ADGRL2: variants seen among roughly 807,000 people sequenced by gnomAD.
The protein encoded by ADGRL2 is adhesion G protein-coupled receptor L2.
In ADGRL2, 44 loss-of-function variants were observed where a neutral mutation model predicts 157.4. The observed-to-expected ratio is 0.28, with a 90% CI of 0.22 to 0.36. The LOEUF (loss-of-function observed/expected upper bound fraction) is 0.36, where lower values mean the gene tolerates loss of function less well. ADGRL2 is among the 10% of genes least tolerant of loss of function. The pLI is 1.00. For missense variants in ADGRL2, 1,510 were observed against 1,768.9 expected (o/e 0.85, Z 2.63); for synonymous variants, 585 against 624.7 (o/e 0.94, Z 0.95).
At chr1:81,827,034 A>G (rs1009057410) in intron 1 of ADGRL2, among the ~76,000 whole-genome samples, 6 of 151,326 alleles carry the variant, frequency 4.0e-5, no homozygotes, top group African/African-American at 1.4e-4. Context: ...AAAATAAAAA[A>G]TATTTACTGT....
At chr1:81,592,971 T>G (rs1267702829) in intron 3 of ADGRL2, among the ~76,000 whole-genome samples, 1 of 152,146 alleles carries the variant, frequency 6.6e-6, no homozygotes, top group East Asian at 1.9e-4. Context: ...GACAACCCAT[T>G]TATCCCAATT....
chr1:81,602,338 T>C (rs375809265), intron 3 of ADGRL2, among the ~76,000 whole-genome samples: 37 of 152,132 alleles, frequency 2.4e-4, no homozygotes, highest in African/African-American at 8.4e-4. Context: ...CTCACGCCTG[T>C]AATCCCAGCC....
At chr1:81,560,138 G>C (rs7522408) in intron 2 of ADGRL2, among the ~76,000 whole-genome samples, 2,116 of 152,252 alleles carry the variant, frequency 0.014, 46 homozygotes, top group African/African-American at 0.048. Context: ...ACAGTAGGAT[G>C]TTAATAAATG....
At chr1:81,692,305 AAAAT>A (rs781277581) in intron 3 of ADGRL2, among the ~76,000 whole-genome samples, 8 of 152,130 alleles carry the variant, frequency 5.3e-5, no homozygotes, top group Non-Finnish European at 8.8e-5. Flanking sequence ...TCTGTCTCAA[AAAAT>A]AAATAAATAA....
intron 1 of ADGRL2, among the ~76,000 whole-genome samples, chr1:81,370,291 G>A (rs2100980773): frequency 6.6e-6 from 1 of 152,226 alleles, no homozygotes; most frequent in East Asian, 1.9e-4. Flanking sequence ...GAAATGTAAA[G>A]AAAAGATATA....
chr1:81,840,592 T>A (rs2092533527), intron 2 of ADGRL2, among the ~76,000 whole-genome samples: 1 of 152,134 alleles, frequency 6.6e-6, no homozygotes, highest in African/African-American at 2.4e-5. Flanking sequence ...TTAATTGTTA[T>A]ATCTATCTAT....
At chr1:81,502,277 T>C (rs1044343) in intron 2 of ADGRL2, 466,970 of 1,610,924 alleles carry the variant, frequency 0.29, 77,882 homozygotes, top group African/African-American at 0.69. Context: ...CAAGGCCTCA[T>C]CTTCTGTCTC....
chr1:81,781,228 T>G (rs940195221), intron 2 of ADGRL2, among the ~76,000 whole-genome samples: 3 of 152,086 alleles, frequency 2.0e-5, no homozygotes, highest in Non-Finnish European at 4.4e-5. Context: ...ATGGAGTGGG[T>G]CTGAGGGTGG....
intron 1 of ADGRL2, among the ~76,000 whole-genome samples, chr1:81,346,048 C>T (rs574479462): frequency 6.6e-6 from 1 of 152,228 alleles, no homozygotes; most frequent in East Asian, 1.9e-4. Context: ...CTTTCCATAA[C>T]AGTATCCACA....
intron 1 of ADGRL2, among the ~76,000 whole-genome samples, chr1:81,405,888 C>CAGTT (rs1489519564): frequency 4.6e-5 from 7 of 151,984 alleles, no homozygotes; most frequent in Admixed American, 1.3e-4. Context: ...CTTTTAAAAT[C>CAGTT]CAATAAAGTG....
At chr1:81,464,227 C>T (rs1226967614) in intron 2 of ADGRL2, among the ~76,000 whole-genome samples, 1 of 151,998 alleles carries the variant, frequency 6.6e-6, no homozygotes, top group Admixed American at 6.6e-5. Flanking sequence ...ATCATGCTGG[C>T]CAGCTTCCTT....
At chr1:81,837,166 G>A in intron 2 of ADGRL2, 109 bp downstream of exon 2, 1 of 535,774 alleles carries the variant, frequency 1.9e-6, no homozygotes, top group Non-Finnish European at 3.2e-6. Context: ...AAAAATAGGT[G>A]TTAAAATTAT....
chr1:81,782,530 C>A (rs2086859204), intron 2 of ADGRL2, among the ~76,000 whole-genome samples: 1 of 152,148 alleles, frequency 6.6e-6, no homozygotes, highest in African/African-American at 2.4e-5. Context: ...TGAGCCTATT[C>A]TCTGTCTCTT....
intron 3 of ADGRL2, among the ~76,000 whole-genome samples, chr1:81,590,004 T>C (rs910072895): frequency 6.6e-6 from 1 of 152,200 alleles, no homozygotes; most frequent in Non-Finnish European, 1.5e-5. Context: ...CCCATGGTGG[T>C]GCTGTCAGCA....
Position 81,907,087 on chromosome 1 carries a change from T to C in ADGRL2, c.144T>C (p.Asp48=). The C allele has an allele frequency of 6.2e-7, 1 of 1,614,104 alleles. No individual in the cohort carries two copies. ...RELSCEGYSI[D]LRCPGSDVIM... ...TATCCTGTGAAGGTTATTCTATAGA[T>C]CTGCGATGCCCGGGCAGTGATGTCA... The change falls in exon 3 of 24, where the codon GAT becomes GAC. Residue 48 remains aspartate (D), a synonymous_variant. Coordinates refer to ENST00000686636, the MANE Select transcript of ADGRL2 (RefSeq NM_001366006.2).
intron 3 of ADGRL2, among the ~76,000 whole-genome samples, chr1:81,677,171 G>C (rs2083013349): frequency 6.6e-6 from 1 of 151,846 alleles, no homozygotes; most frequent in African/African-American, 2.4e-5. Flanking sequence ...TTTTAGTAGA[G>C]AGGGGGTTTC....
chr1:81,674,447 C>T (rs1468141438), intron 3 of ADGRL2, among the ~76,000 whole-genome samples: 1 of 152,222 alleles, frequency 6.6e-6, no homozygotes, highest in East Asian at 1.9e-4. Context: ...ACAGCCCAAA[C>T]TTGCAGTCCA....
At chr1:81,870,019 A>G (rs2093651500) in intron 2 of ADGRL2, among the ~76,000 whole-genome samples, 2 of 145,328 alleles carry the variant, frequency 1.4e-5, no homozygotes, top group African/African-American at 2.5e-5. Flanking sequence ...TTACAAAACA[A>G]CAATAACAAA....
intron 3 of ADGRL2, among the ~76,000 whole-genome samples, chr1:81,608,197 A>AAACCTGCTTC (rs2081472004): frequency 6.6e-6 from 1 of 152,078 alleles, no homozygotes; most frequent in Non-Finnish European, 1.5e-5. Flanking sequence ...CTGCTTCAGG[A>AAACCTGCTTC]AGGTTCACTG....
Sources: allele counts gnomAD v4.1 joint callset (sites outside exome capture counted in the v4.1 genomes callset), GRCh38; gene constraint gnomAD v4.1.1; transcripts MANE v1.5; gene names NCBI Gene and HGNC (gene_info 2026-07-23, HGNC 2026-07-21).